The following EIF3E variants were observed in gnomAD, a reference collection of about 807,000 sequenced individuals.
EIF3E encodes eukaryotic translation initiation factor 3 subunit E.
In EIF3E, 25 loss-of-function variants were observed where a neutral mutation model predicts 59.3. The ratio of observed to expected loss-of-function variants is 0.42; its 90% CI spans 0.31 to 0.59. The LOEUF (loss-of-function observed/expected upper bound fraction) is 0.59. Ranked by LOEUF, EIF3E falls within the 20% of genes least tolerant of loss-of-function variation. The probability of loss-of-function intolerance (pLI) is 0.15; values close to 1 mark genes in which losing one functional copy is unlikely to be tolerated. For synonymous variants in EIF3E, 176 were observed against 170.2 expected (o/e 1.03, Z -0.26); for missense variants, 317 against 534.3 (o/e 0.59, Z 4.01).
At chr8:108,228,149 G>GAAA in intron 7 of EIF3E, 118 bp downstream of exon 7, 27 of 960,688 alleles carry the variant, frequency 2.8e-5, no homozygotes, top group East Asian at 9.9e-5. Flanking sequence ...ACTACATGAA[G>GAAA]AAAAAAAAAA....
In EIF3E at chr8:108,209,126, T is replaced by G. The variant is rs117295089; in HGVS notation, c.1061+5481A>C. ...AGTTATTTAATAAACAATTATGGGTTTTATAATACTATTTTCAGCATTTGA... is the reference window on the plus strand; with the variant it reads ...AGTTATTTAATAAACAATTATGGGTGTTATAATACTATTTTCAGCATTTGA... On this transcript the variant is annotated intron_variant, in intron 10 of 12. Coordinates refer to ENST00000220849, the MANE Select transcript of EIF3E (RefSeq NM_001568.3). Among the ~76,000 whole-genome samples, 138 of 152,224 alleles carry G rather than the reference T, an allele frequency of 9.1e-4. 4 individuals carry two copies. The East Asian group carries it at 0.026, about 28-fold the overall frequency.
At chr8:108,219,969 C>G (rs1815377067) in intron 7 of EIF3E, among the ~76,000 whole-genome samples, 1 of 151,942 alleles carries the variant, frequency 6.6e-6, no homozygotes, top group Admixed American at 6.6e-5. Flanking sequence ...ACGGTGAAAC[C>G]CTGTCTCTAC....
intron 10 of EIF3E, among the ~76,000 whole-genome samples, chr8:108,207,753 A>G (rs1367687102): frequency 2.0e-5 from 3 of 152,200 alleles, no homozygotes; most frequent in Non-Finnish European, 2.9e-5. Context: ...ACAACATCGA[A>G]TATGTTAAAT....
intron 4 of EIF3E, among the ~76,000 whole-genome samples, chr8:108,235,623 T>C (rs567773539): frequency 1.3e-5 from 2 of 152,340 alleles, no homozygotes; most frequent in East Asian, 1.9e-4. Flanking sequence ...GCCTCATGCT[T>C]TGAGTTAACA....
Position 108,241,448 on chromosome 8 carries a change from A to C in EIF3E, c.205+351T>G, listed in dbSNP as rs80222374. On this transcript the variant is annotated intron_variant, in intron 2 of 12. Transcript: ENST00000220849. ...AGATGCCTCAAAATTAAAAAAAAAA[A>C]CACAAAACTCTAAGGCACACAATGC... 8.7e-3 allele frequency among the ~76,000 whole-genome samples: 1,324 copies of C among 152,144 alleles called. 31 individuals carry two copies. Among genetic ancestry groups the C allele is most frequent in the African/African-American group, 0.03 (1,228 of 41,498 alleles).
chr8:108,232,656 T>A (rs541679612), intron 5 of EIF3E, among the ~76,000 whole-genome samples: 1 of 152,204 alleles, frequency 6.6e-6, no homozygotes, highest in Non-Finnish European at 1.5e-5. Context: ...TGTGTTAGAA[T>A]AAAAGCTTTT....
chr8:108,216,924 A>G (rs1563629986), intron 8 of EIF3E, among the ~76,000 whole-genome samples: 1 of 152,164 alleles, frequency 6.6e-6, no homozygotes, highest in African/African-American at 2.4e-5. Flanking sequence ...AGCTCACTAA[A>G]TATCAATCAG....
At chr8:108,210,611 T>G (rs1815187928) in intron 10 of EIF3E, among the ~76,000 whole-genome samples, 1 of 152,188 alleles carries the variant, frequency 6.6e-6, no homozygotes, top group African/African-American at 2.4e-5. Flanking sequence ...TTTTCTATTA[T>G]TATAGTTTAA....
chr8:108,206,592 G>GCACACA (rs58104020), intron 10 of EIF3E, among the ~76,000 whole-genome samples: 2 of 149,580 alleles, frequency 1.3e-5, no homozygotes, highest in Non-Finnish European at 3.0e-5. Flanking sequence ...GTGCACATGT[G>GCACACA]CACACACACA....
intron 5 of EIF3E, among the ~76,000 whole-genome samples, chr8:108,231,009 A>G (rs1815612798): frequency 6.6e-6 from 1 of 152,176 alleles, no homozygotes; most frequent in Non-Finnish European, 1.5e-5. Flanking sequence ...GATGCCCAGG[A>G]CCATGGGTGG....
At chr8:108,225,768 A>G (rs1815504764) in intron 7 of EIF3E, among the ~76,000 whole-genome samples, 1 of 151,544 alleles carries the variant, frequency 6.6e-6, no homozygotes, top group South Asian at 2.1e-4. Context: ...GTTAAAGCAC[A>G]TCACAACAGA....
chr8:108,202,058 G>A, intron 12 of EIF3E, 135 bp from the exon 13 acceptor site: 5 of 668,424 alleles, frequency 7.5e-6, no homozygotes, highest in Non-Finnish European at 1.1e-5. Flanking sequence ...CTTAACTCCT[G>A]CAATTACTAG....
intron 5 of EIF3E, 75 bp from the exon 6 acceptor site, chr8:108,229,270 G>T: frequency 6.8e-7 from 1 of 1,467,390 alleles, no homozygotes; most frequent in Non-Finnish European, 9.3e-7. Context: ...TTATACCCAT[G>T]TATCCCTCTA....
At position 108,248,708 on chromosome 8, in the gene EIF3E, C is replaced by G; in HGVS notation, c.-6G>C. 1 of 1,614,082 alleles carries G rather than the reference C, an allele frequency of 6.2e-7. No individual in the cohort carries two copies. Among genetic ancestry groups the G allele is most frequent in the Non-Finnish European group, 8.5e-7 (1 of 1,179,960 alleles). On this transcript the variant is annotated 5_prime_UTR_variant, in exon 1 of 13. Transcript: ENST00000220849. ...GTCAAGTCGTACTCCGCCATCTTGCCAAAGAAAAGGGAGTCTGTGCTCACT... is the reference window on the plus strand; with the variant it reads ...GTCAAGTCGTACTCCGCCATCTTGCGAAAGAAAAGGGAGTCTGTGCTCACT...
At chr8:108,228,967 ATTT>A in intron 6 of EIF3E, 100 bp downstream of exon 6, 1 of 1,060,452 alleles carries the variant, frequency 9.4e-7, no homozygotes, top group Non-Finnish European at 1.3e-6. Context: ...GCTAATATGA[ATTT>A]TTTTTTTTAA....
intron 3 of EIF3E, among the ~76,000 whole-genome samples, chr8:108,237,071 C>G (rs864166): frequency 0.58 from 88,167 of 152,002 alleles, 25,567 homozygotes; most frequent in Middle Eastern, 0.63. Flanking sequence ...ATATACATGA[C>G]AGCTATGCTA....
chr8:108,209,369 C>T (rs1489660141), intron 10 of EIF3E, among the ~76,000 whole-genome samples: 2 of 151,902 alleles, frequency 1.3e-5, no homozygotes, highest in Admixed American at 1.3e-4. Context: ...ATTCACTGAC[C>T]CTACCTAATT....
At chr8:108,208,863 C>T (rs2129848602) in intron 10 of EIF3E, among the ~76,000 whole-genome samples, 1 of 152,122 alleles carries the variant, frequency 6.6e-6, no homozygotes, top group Non-Finnish European at 1.5e-5. Context: ...AGACACATAC[C>T]ATAGCTGATA....
intron 7 of EIF3E, 48 bp downstream of exon 7, chr8:108,228,219 T>A: frequency 6.6e-7 from 1 of 1,514,600 alleles, no homozygotes; most frequent in Non-Finnish European, 8.8e-7. Flanking sequence ...AACAACTCCA[T>A]GTAATTTTAT....
Sources: allele counts gnomAD v4.1 joint callset (sites outside exome capture counted in the v4.1 genomes callset), GRCh38; gene constraint gnomAD v4.1.1; transcripts MANE v1.5; gene names NCBI Gene and HGNC (gene_info 2026-07-23, HGNC 2026-07-21).